The following ZDHHC20 variants were observed in gnomAD, a reference collection of about 807,000 sequenced individuals.
ZDHHC20 encodes the protein palmitoyltransferase ZDHHC20.
In ZDHHC20, 43 loss-of-function variants were observed where a neutral mutation model predicts 57.8. The ratio of observed to expected loss-of-function variants is 0.74; its 90% confidence interval spans 0.58 to 0.96. ZDHHC20 has a LOEUF of 0.96. Ranked by LOEUF, ZDHHC20 falls within the 40% of genes least tolerant of loss-of-function variation. The pLI is 0.00. For missense variants in ZDHHC20, 391 were observed against 441.1 expected (o/e 0.89, Z 1.02); for synonymous variants, 157 against 153.0 (o/e 1.03, Z -0.19).
rs60897877 is a variant in ZDHHC20 at position 21,411,989 on chromosome 13, G to C, written c.370+1663C>G. Among the ~76,000 whole-genome samples, 4 of 152,352 alleles carry C rather than the reference G, an allele frequency of 2.6e-5. No individual in the cohort carries two copies. In the East Asian group the frequency reaches 7.7e-4, roughly 29 times the overall value. ...TCCTTTGGAAGCTGCAAATACACGAGTGGAGCTCTAGTGAGAGCTACAAAC... is the reference window on the plus strand; with the variant it reads ...TCCTTTGGAAGCTGCAAATACACGACTGGAGCTCTAGTGAGAGCTACAAAC... On this transcript the variant is annotated intron_variant, in intron 4 of 12. Coordinates refer to ENST00000400590, the MANE Select transcript of ZDHHC20 (RefSeq NM_001330059.2).
At chr13:21,380,585 A>G (rs2137639592) in intron 11 of ZDHHC20, among the ~76,000 whole-genome samples, 1 of 151,722 alleles carries the variant, frequency 6.6e-6, no homozygotes, top group East Asian at 2.0e-4. Context: ...CAAGGTCAGG[A>G]GATCGAGACC....
At chr13:21,429,587 T>C (rs1280941969) in intron 1 of ZDHHC20, among the ~76,000 whole-genome samples, 1 of 152,240 alleles carries the variant, frequency 6.6e-6, no homozygotes, top group Non-Finnish European at 1.5e-5. Flanking sequence ...CTTTGGGATT[T>C]TCCTGTTCAG....
chr13:21,415,531 G>A (rs1352461017), intron 3 of ZDHHC20, among the ~76,000 whole-genome samples: 2 of 152,160 alleles, frequency 1.3e-5, no homozygotes, highest in African/African-American at 4.8e-5. Context: ...AAGTCTTAAA[G>A]ACAATGGAGG....
In ZDHHC20 at chr13:21,413,709, C is replaced by G. The variant is rs1474110124; in HGVS notation, c.313G>C (p.Glu105Gln). ...GCTCTTGCTGCTCTTCTCAAAATTTCTTGTTGTCTTTCTTGGCTGAATTCT... is the reference window on the plus strand; with the variant it reads ...GCTCTTGCTGCTCTTCTCAAAATTTGTTGTTGTCTTTCTTGGCTGAATTCT... ...EKEFSQERQQ[E>Q]ILRRAARALP... is the part of the protein sequence containing the mutation. The change falls in exon 4 of 13, where the codon GAA becomes CAA. Residue 105 changes from glutamate to glutamine, a missense_variant. Physicochemically the swap from Glu to Gln is conservative, Grantham distance 29. Transcript: ENST00000400590. 2 of 1,611,750 alleles carry G rather than the reference C, an allele frequency of 1.2e-6. No homozygotes were observed. Among genetic ancestry groups the G allele is most frequent in the East Asian group, 2.2e-5 (1 of 44,694 alleles).
chr13:21,401,067 C>G (rs915264777), intron 6 of ZDHHC20, among the ~76,000 whole-genome samples: 2 of 151,920 alleles, frequency 1.3e-5, no homozygotes, highest in Non-Finnish European at 2.9e-5. Context: ...TGCTTAAGCC[C>G]AGGAGTGCAA....
chr13:21,426,964 T>C (rs184669076), intron 1 of ZDHHC20, among the ~76,000 whole-genome samples: 3 of 152,232 alleles, frequency 2.0e-5, no homozygotes, highest in Admixed American at 6.5e-5. Context: ...TCTAAACAAA[T>C]TGTGGTTTCC....
Position 21,413,778 on chromosome 13 carries a change from A to C in ZDHHC20, c.250-6T>G. 6.2e-7 allele frequency: 1 copy of C among 1,603,956 alleles called. No individual in the cohort carries two copies. Among genetic ancestry groups the C allele is most frequent in the East Asian group, 2.2e-5 (1 of 44,644 alleles). On this transcript the variant is annotated splice_polypyrimidine_tract_variant and splice_region_variant and intron_variant, in intron 3 of 12. Transcript: ENST00000400590. ...TCAGAATTGGACAAGTAGAACTATA[A>C]AAGGAAAGAGGACTATTAAATTTTT...
At chr13:21,419,951 C>G (rs983733302) in intron 3 of ZDHHC20, among the ~76,000 whole-genome samples, 1 of 152,136 alleles carries the variant, frequency 6.6e-6, no homozygotes, top group Non-Finnish European at 1.5e-5. Context: ...TCATCATCAT[C>G]TAATATTTGA....
At position 21,376,577 on chromosome 13, in the gene ZDHHC20, T is replaced by C; in HGVS notation, c.*119A>G. ...GTTTTAAAAAATATATCTTCTGTTA[T>C]ACTTCAGTTATTTCATTCCACTGAT... is the stretch of plus-strand genomic sequence containing the variant. On this transcript the variant is annotated 3_prime_UTR_variant, in exon 13 of 13. Coordinates refer to ENST00000400590, the MANE Select transcript of ZDHHC20 (RefSeq NM_001330059.2). The C allele has an allele frequency of 8.5e-7, 1 of 1,177,216 alleles. No individual in the cohort carries two copies. Among genetic ancestry groups the C allele is most frequent in the South Asian group, 1.6e-5 (1 of 61,408 alleles). The allele number at this position is 1,177,216 out of a possible 1,614,324, so 72.9% of individuals were successfully genotyped here. A position where few individuals can be genotyped will look rare whatever the true frequency, so the allele number is the denominator to read the frequency against.
At chr13:21,432,555 A>G (rs988126957) in intron 1 of ZDHHC20, among the ~76,000 whole-genome samples, 1 of 151,940 alleles carries the variant, frequency 6.6e-6, no homozygotes, top group Non-Finnish European at 1.5e-5. Flanking sequence ...GGTGGTCTGG[A>G]TCTCCTGACC....
Position 21,375,109 on chromosome 13 carries a change from G to T in ZDHHC20, c.*1587C>A, listed in dbSNP as rs1489035967. ...AGATCCCGCCACTGCACTCCTGCCT[G>T]GGAGACAGAGCAAAACTCTGTGGAA... On this transcript the variant is annotated 3_prime_UTR_variant, in exon 13 of 13. Coordinates refer to ENST00000400590, the MANE Select transcript of ZDHHC20 (RefSeq NM_001330059.2). 2.2e-6 allele frequency: 1 copy of T among 455,924 alleles called. No homozygotes were observed. The highest frequency in any genetic ancestry group is 4.4e-6 in the Non-Finnish European group (1 of 226,736). The allele number at this position is 455,924 out of a possible 1,614,324, so 28.2% of individuals were successfully genotyped here. A position where few individuals can be genotyped will look rare whatever the true frequency, so the allele number is the denominator to read the frequency against.
At chr13:21,428,753 A>G (rs9580117) in intron 1 of ZDHHC20, among the ~76,000 whole-genome samples, 24,091 of 151,582 alleles carry the variant, frequency 0.16, 2,593 homozygotes, top group Non-Finnish European at 0.25. Flanking sequence ...CCAGCTACTC[A>G]GGAGGATGAG....
chr13:21,378,765 TGA>T, intron 11 of ZDHHC20, 27 bp from the exon 12 acceptor site: 1 of 997,728 alleles, frequency 1.0e-6, no homozygotes, highest in Non-Finnish European at 1.3e-6. Flanking sequence ...ATATATGACA[TGA>T]CAAAAAAAAA....
At chr13:21,395,266 C>A (rs1223330038) in intron 7 of ZDHHC20, among the ~76,000 whole-genome samples, 1 of 151,714 alleles carries the variant, frequency 6.6e-6, no homozygotes, top group East Asian at 1.9e-4. Context: ...CGGGGTTTCA[C>A]CATGTTAGTC....
At chr13:21,392,505 AG>A (rs1875922159) in intron 7 of ZDHHC20, among the ~76,000 whole-genome samples, 1 of 152,190 alleles carries the variant, frequency 6.6e-6, no homozygotes, top group Non-Finnish European at 1.5e-5. Context: ...GTATGTCTAC[AG>A]AGCCTTTGTG....
At position 21,420,999 on chromosome 13, in the gene ZDHHC20, CA is replaced by C. The variant is rs573004188; in HGVS notation, c.249+61del. The C allele has an allele frequency of 4.2e-4, 582 of 1,372,802 alleles. 9 individuals carry two copies. The South Asian group carries it at 6.7e-3, about 16-fold the overall frequency. 85.0% of individuals were successfully genotyped at this position (1,372,802 alleles called of 1,614,324 possible). A position where few individuals can be genotyped will look rare whatever the true frequency, so the allele number is the denominator to read the frequency against. On this transcript the variant is annotated intron_variant, in intron 3 of 12. Transcript: ENST00000400590. ...ATGTAAAGTTTTAACAAAGGTAACA[CA>C]AGGGAAAAAAAATTCCATAATCAGT... is the stretch of plus-strand genomic sequence containing the variant.
At chr13:21,389,080 C>T (rs547854948) in intron 8 of ZDHHC20, among the ~76,000 whole-genome samples, 23 of 152,068 alleles carry the variant, frequency 1.5e-4, no homozygotes, top group African/African-American at 4.8e-4. Context: ...CAGTTCTAAG[C>T]GATTAAAAAA....
At chr13:21,402,942 T>A in intron 4 of ZDHHC20, 76 bp from the exon 5 acceptor site, 1 of 1,115,940 alleles carries the variant, frequency 9.0e-7, no homozygotes, top group Admixed American at 2.4e-5. Context: ...CTTGATTTTC[T>A]AAAAAAAATA....
intron 1 of ZDHHC20, among the ~76,000 whole-genome samples, chr13:21,447,484 G>A (rs1412991576): frequency 1.1e-4 from 16 of 143,230 alleles, no homozygotes; most frequent in South Asian, 2.3e-4. Context: ...GGGTTTGGCT[G>A]TGTTGGCCGG....
Sources: gnomAD v4.1 joint callset for allele counts (sites outside exome capture counted in the v4.1 genomes callset) on GRCh38, gnomAD v4.1.1 for gene constraint, MANE v1.5 for transcripts, NCBI Gene and HGNC (gene_info 2026-07-23, HGNC 2026-07-21) for gene names.